FAM107B: variants seen among roughly 807,000 people sequenced by gnomAD.
FAM107B encodes the protein family with sequence similarity 107 member B.
FAM107B carries 21 observed loss-of-function variants against 31.5 expected under a neutral mutation model. That is an observed-to-expected ratio of 0.67 (90% CI 0.47 to 0.96). The LOEUF (loss-of-function observed/expected upper bound fraction) is 0.96, where lower values mean the gene tolerates loss of function less well. Among genes scored for constraint, FAM107B ranks in the 40% least tolerant of loss-of-function variants. The pLI, the probability that FAM107B is intolerant of heterozygous loss-of-function variation, is 0.00. For missense variants in FAM107B, 452 were observed against 377.1 expected (o/e 1.20, Z -1.64); for synonymous variants, 157 against 141.5 (o/e 1.11, Z -0.78).
intron 2 of FAM107B, among the ~76,000 whole-genome samples, chr10:14,658,018 C>T (rs1222675353): frequency 6.6e-6 from 1 of 152,092 alleles, no homozygotes; most frequent in African/African-American, 2.4e-5. Context: ...TGTCATGTTG[C>T]TCAAGCTGGT....
intron 2 of FAM107B, among the ~76,000 whole-genome samples, chr10:14,585,236 T>C (rs1389406970): frequency 6.6e-6 from 1 of 152,220 alleles, no homozygotes; most frequent in Non-Finnish European, 1.5e-5. Flanking sequence ...TTGTGCGTTT[T>C]GTCCAATTCT....
At chr10:14,622,469 G>A (rs1853038855) in intron 2 of FAM107B, among the ~76,000 whole-genome samples, 1 of 152,044 alleles carries the variant, frequency 6.6e-6, no homozygotes, top group African/African-American at 2.4e-5. Flanking sequence ...ACCATGCCTG[G>A]CTAATTTTTG....
chr10:14,523,047 C>A (rs1478631202), intron 3 of FAM107B, among the ~76,000 whole-genome samples: 1 of 152,160 alleles, frequency 6.6e-6, no homozygotes, highest in African/African-American at 2.4e-5. Flanking sequence ...CCAAACAGGC[C>A]ATGAACTAGC....
intron 2 of FAM107B, among the ~76,000 whole-genome samples, chr10:14,574,601 T>C (rs1040167060): frequency 1.7e-4 from 26 of 152,260 alleles, no homozygotes; most frequent in African/African-American, 3.6e-4. Flanking sequence ...TGGACCACAA[T>C]TGGCCAAGAG....
chr10:14,572,386 C>T (rs1441702931), intron 2 of FAM107B: 6 of 985,188 alleles, frequency 6.1e-6, no homozygotes, highest in Non-Finnish European at 6.0e-6. Flanking sequence ...AGGAAGCATG[C>T]GTGAGTCAAC....
intron 2 of FAM107B, among the ~76,000 whole-genome samples, chr10:14,539,356 G>A (rs185714034): frequency 1.1e-3 from 167 of 152,272 alleles, no homozygotes; most frequent in Non-Finnish European, 1.1e-3. Flanking sequence ...AGTTTGGGCT[G>A]CTTTCCATGC....
chr10:14,608,822 A>T (rs1462391124), intron 2 of FAM107B, among the ~76,000 whole-genome samples: 1 of 152,244 alleles, frequency 6.6e-6, no homozygotes, highest in Non-Finnish European at 1.5e-5. Flanking sequence ...GTCATATTGC[A>T]ACAGGGCTTG....
At chr10:14,628,869 T>C (rs935735682) in intron 2 of FAM107B, among the ~76,000 whole-genome samples, 1 of 151,986 alleles carries the variant, frequency 6.6e-6, no homozygotes, top group Non-Finnish European at 1.5e-5. Flanking sequence ...CCCATCTCTA[T>C]AAAATAAAAT....
At chr10:14,575,322 G>T (rs1851431720) in intron 2 of FAM107B, among the ~76,000 whole-genome samples, 1 of 151,876 alleles carries the variant, frequency 6.6e-6, no homozygotes, top group Non-Finnish European at 1.5e-5. Flanking sequence ...TCCTGCCTCA[G>T]CCTCCTGAGT....
At chr10:14,545,292 C>A (rs1452731851) in intron 2 of FAM107B, among the ~76,000 whole-genome samples, 1 of 152,114 alleles carries the variant, frequency 6.6e-6, no homozygotes, top group East Asian at 1.9e-4. Context: ...GCTCTTTCTG[C>A]TAAATTAATG....
intron 1 of FAM107B, among the ~76,000 whole-genome samples, chr10:14,705,943 C>T (rs1490406443): frequency 6.6e-6 from 1 of 152,170 alleles, no homozygotes; most frequent in Admixed American, 6.5e-5. Context: ...ACCGGCAGGG[C>T]AAATTTCTAA....
intron 2 of FAM107B, among the ~76,000 whole-genome samples, chr10:14,658,971 G>T (rs1038773933): frequency 6.6e-6 from 1 of 152,208 alleles, no homozygotes; most frequent in Non-Finnish European, 1.5e-5. Flanking sequence ...TGAAGGAAAG[G>T]TTGCAGTTTT....
In FAM107B at chr10:14,727,092, C is replaced by T. The variant is rs1418591598; in HGVS notation, c.411+47161G>A. 2.6e-5 allele frequency among the ~76,000 whole-genome samples: 4 copies of T among 152,170 alleles called. No individual in the cohort carries two copies. The East Asian group carries it at 5.8e-4, about 22-fold the overall frequency. ...TGTGCAGTTCACAATAGGGTTCACG[C>T]TTCTGTGAGTATCTAATGCCACACT... is the stretch of plus-strand genomic sequence containing the variant. On this transcript the variant is annotated intron_variant, in intron 1 of 4. Transcript: ENST00000181796.
At chr10:14,770,537 A>AAAAAT (rs1340623498) in intron 1 of FAM107B, among the ~76,000 whole-genome samples, 20 of 152,136 alleles carry the variant, frequency 1.3e-4, no homozygotes, top group Non-Finnish European at 1.3e-4. Flanking sequence ...AAATAAAAAT[A>AAAAAT]AAAATAAAAT....
At chr10:14,618,396 T>C (rs978413810) in intron 2 of FAM107B, among the ~76,000 whole-genome samples, 9 of 152,192 alleles carry the variant, frequency 5.9e-5, no homozygotes, top group Non-Finnish European at 8.8e-5. Context: ...ATATGTCATA[T>C]GTTTTCATTT....
Position 14,609,650 on chromosome 10 carries a change from T to A in FAM107B, c.469+57984A>T, listed in dbSNP as rs1463753461. The stretch of plus-strand genomic sequence containing the variant: ...CAGGCACACCCAGATCATCTTCCTA[T>A]CTTGACAGGTAACTGACTTGAGACC... On this transcript the variant is annotated intron_variant, in intron 2 of 4. Coordinates refer to ENST00000181796, the MANE Select transcript of FAM107B (RefSeq NM_031453.4). 2.6e-5 allele frequency among the ~76,000 whole-genome samples: 4 copies of A among 152,276 alleles called. No homozygotes were observed. The East Asian group carries it at 5.8e-4, about 22-fold the overall frequency.
chr10:14,591,419 T>C (rs912809692), intron 2 of FAM107B, among the ~76,000 whole-genome samples: 1 of 152,224 alleles, frequency 6.6e-6, no homozygotes, highest in African/African-American at 2.4e-5. Flanking sequence ...TCACAGTAAC[T>C]GCAAGAGCCA....
chr10:14,604,320 CGGCGGCGGCCCGA>C, intron 2 of FAM107B: 1 of 951,328 alleles, frequency 1.1e-6, no homozygotes, highest in Non-Finnish European at 1.2e-6. Flanking sequence ...CCCGACTGCT[CGGCGGCGGCCCGA>C]GGCGGCGCGA....
chr10:14,649,868 T>C (rs990868273), intron 2 of FAM107B, among the ~76,000 whole-genome samples: 3 of 152,212 alleles, frequency 2.0e-5, no homozygotes, highest in African/African-American at 7.2e-5. Context: ...CATTGGCACA[T>C]TGTTTGACCA....
Sources: gnomAD v4.1 joint callset for allele counts (sites outside exome capture counted in the v4.1 genomes callset) on GRCh38, gnomAD v4.1.1 for gene constraint, MANE v1.5 for transcripts, NCBI Gene and HGNC (gene_info 2026-07-23, HGNC 2026-07-21) for gene names.